The following LINGO2 variants were observed in gnomAD, a reference collection of about 807,000 sequenced individuals.
LINGO2 encodes the protein leucine-rich repeat and immunoglobulin-like domain-containing nogo receptor-interacting protein 2.
In LINGO2, 14 loss-of-function variants were observed where a neutral mutation model predicts 30.6. The ratio of observed to expected loss-of-function variants is 0.46; its 90% CI spans 0.30 to 0.72. LINGO2 has a LOEUF of 0.72. Ranked by LOEUF, LINGO2 falls within the 30% of genes least tolerant of loss-of-function variation. The pLI, the probability that LINGO2 is intolerant of heterozygous loss-of-function variation, is 0.07. For missense variants in LINGO2, 729 were observed against 751.7 expected (o/e 0.97, Z 0.35); for synonymous variants, 317 against 288.5 (o/e 1.10, Z -1.00).
At chr9:28,793,792 G>T in the LINGO2 span, among the ~76,000 whole-genome samples, 14 of 152,208 alleles carry the variant, frequency 9.2e-5, no homozygotes, top group South Asian at 2.9e-3. Flanking sequence ...TGTTAAAAAA[G>T]CAGAATCTCC....
intron 1 of LINGO2, among the ~76,000 whole-genome samples, chr9:28,562,179 C>T (rs1193336056): frequency 1.3e-5 from 2 of 151,936 alleles, no homozygotes; most frequent in Admixed American, 6.5e-5. Context: ...GATGATTGGT[C>T]TCCTCGTTCA....
At chr9:28,479,058 A>C in intron 1 of LINGO2, among the ~76,000 whole-genome samples, 1 of 152,084 alleles carries the variant, frequency 6.6e-6, no homozygotes, top group South Asian at 2.1e-4. Flanking sequence ...TAATTGATAA[A>C]TTGATGAAAT....
the LINGO2 span, among the ~76,000 whole-genome samples, chr9:29,136,899 C>T: frequency 6.6e-6 from 1 of 152,106 alleles, no homozygotes; most frequent in Admixed American, 6.6e-5. Flanking sequence ...TTTGTAGGAA[C>T]TCAAAGTTTA....
rs1437119606 is a variant in LINGO2, at chr9:28,030,850, CAA to C, written c.-86-18447_-86-18446del. Among the ~76,000 whole-genome samples the C allele has an allele frequency of 5.3e-5, 8 of 151,538 alleles. 1 individual carries two copies. In the South Asian group the frequency reaches 8.4e-4, roughly 16 times the overall value. On this transcript the variant is annotated intron_variant, in intron 4 of 5. Coordinates refer to ENST00000379992, the Ensembl canonical transcript of LINGO2. The stretch of plus-strand genomic sequence containing the variant: ...GAAATGGAAAAACAAAAAAAGCAGA[CAA>C]AGATTCAAAATGAGACTCTGAAGTC...
intron 5 of LINGO2, among the ~76,000 whole-genome samples, chr9:27,972,845 G>A (rs956433254): frequency 6.6e-6 from 1 of 152,180 alleles, no homozygotes; most frequent in Non-Finnish European, 1.5e-5. Context: ...TCTAAGAGAT[G>A]CCAGGATAGT....
intron 4 of LINGO2, among the ~76,000 whole-genome samples, chr9:28,212,595 A>ATT (rs1820629982): frequency 1.3e-5 from 2 of 151,484 alleles, no homozygotes; most frequent in South Asian, 4.1e-4. Flanking sequence ...CATATACTGA[A>ATT]TGTTGATTTT....
At chr9:28,920,883 C>T in the LINGO2 span, among the ~76,000 whole-genome samples, 3 of 152,132 alleles carry the variant, frequency 2.0e-5, no homozygotes, top group Non-Finnish European at 4.4e-5. Flanking sequence ...CTAACATTTC[C>T]AGATCTGCAA....
chr9:28,100,919 A>C (rs988895810), intron 4 of LINGO2, among the ~76,000 whole-genome samples: 1 of 152,120 alleles, frequency 6.6e-6, no homozygotes, highest in African/African-American at 2.4e-5. Context: ...ACATTTTGGC[A>C]GTGTATTTTA....
intron 4 of LINGO2, among the ~76,000 whole-genome samples, chr9:28,055,820 A>G (rs1824909646): frequency 6.6e-6 from 1 of 152,142 alleles, no homozygotes; most frequent in Non-Finnish European, 1.5e-5. Flanking sequence ...TTTTATCTAA[A>G]AAAGTCTTCT....
At chr9:28,185,970 G>C (rs921099881) in intron 4 of LINGO2, among the ~76,000 whole-genome samples, 1 of 152,212 alleles carries the variant, frequency 6.6e-6, no homozygotes, top group Non-Finnish European at 1.5e-5. Context: ...TCTTGTCTAG[G>C]TGGATCTGAT....
At chr9:29,004,404 T>A in the LINGO2 span, among the ~76,000 whole-genome samples, 1 of 151,914 alleles carries the variant, frequency 6.6e-6, no homozygotes, top group South Asian at 2.1e-4. Context: ...ATCAAGAAAT[T>A]CTGGTTAATC....
At chr9:28,345,492 C>A (rs540769420) in intron 3 of LINGO2, among the ~76,000 whole-genome samples, 1 of 152,238 alleles carries the variant, frequency 6.6e-6, no homozygotes, top group South Asian at 2.1e-4. Flanking sequence ...ATCAAACTAG[C>A]AGGCCTGGAT....
the LINGO2 span, among the ~76,000 whole-genome samples, chr9:28,927,970 A>C: frequency 6.6e-6 from 1 of 152,200 alleles, no homozygotes; most frequent in Admixed American, 6.5e-5. Context: ...TCATTTCAAT[A>C]AATAAATTAA....
chr9:29,013,084 ACC>A, the LINGO2 span, among the ~76,000 whole-genome samples: 1 of 152,066 alleles, frequency 6.6e-6, no homozygotes, highest in South Asian at 2.1e-4. Flanking sequence ...ACTTCTCCCC[ACC>A]CTAGCTGGTG....
At chr9:29,085,667 C>T in the LINGO2 span, among the ~76,000 whole-genome samples, 3 of 152,116 alleles carry the variant, frequency 2.0e-5, no homozygotes, top group Non-Finnish European at 4.4e-5. Context: ...AAGCTAAATA[C>T]TACTCTAACA....
intron 5 of LINGO2, among the ~76,000 whole-genome samples, chr9:27,973,895 T>C (rs964982978): frequency 6.6e-6 from 1 of 152,172 alleles, no homozygotes; most frequent in African/African-American, 2.4e-5. Context: ...GACATTTACA[T>C]ATAAGGCACA....
At chr9:28,831,146 A>G in the LINGO2 span, among the ~76,000 whole-genome samples, 1 of 152,244 alleles carries the variant, frequency 6.6e-6, no homozygotes, top group Admixed American at 6.5e-5. Context: ...CACTGAACTG[A>G]CGATGCTTAG....
At chr9:28,338,566 T>C (rs1455484543) in intron 3 of LINGO2, among the ~76,000 whole-genome samples, 1 of 152,164 alleles carries the variant, frequency 6.6e-6, no homozygotes, top group Non-Finnish European at 1.5e-5. Flanking sequence ...AAATCTCATC[T>C]TGAATTGTAG....
chr9:29,164,175 G>A, the LINGO2 span, among the ~76,000 whole-genome samples: 1 of 151,892 alleles, frequency 6.6e-6, no homozygotes, highest in Non-Finnish European at 1.5e-5. Context: ...CAGTCATAAT[G>A]TGTCAATCAT....
Sources: gnomAD v4.1 joint callset for allele counts (sites outside exome capture counted in the v4.1 genomes callset) on GRCh38, gnomAD v4.1.1 for gene constraint, MANE v1.5 for transcripts, NCBI Gene and HGNC (gene_info 2026-07-23, HGNC 2026-07-21) for gene names.